GNB1: variants seen among roughly 807,000 people sequenced by gnomAD.
GNB1 encodes G protein subunit beta 1, also known as guanine nucleotide-binding protein G(I)/G(S)/G(T) subunit beta-1.
Under a neutral mutation model 42.9 loss-of-function variants are expected in GNB1, and 2 were observed. The observed-to-expected ratio is 0.05, with a 90% CI of 0.02 to 0.15. The LOEUF is 0.15. Ranked by LOEUF, GNB1 falls within the 10% of genes least tolerant of loss-of-function variation. GNB1 has a pLI of 1.00. For synonymous variants in GNB1, 183 were observed against 174.7 expected (o/e 1.05, Z -0.38); for missense variants, 193 against 462.2 (o/e 0.42, Z 5.34).
intron 1 of GNB1, among the ~76,000 whole-genome samples, chr1:1,879,498 C>A (rs183970030): frequency 1.3e-5 from 2 of 151,928 alleles, no homozygotes; most frequent in Admixed American, 6.6e-5. Flanking sequence ...CGAGATCAGG[C>A]GATCGAGAGC....
In GNB1 at chr1:1,857,915, A is replaced by T. The variant is rs1450581966; in HGVS notation, c.-95-18677T>A. Among the ~76,000 whole-genome samples, 3 of 152,194 alleles carry T rather than the reference A, an allele frequency of 2.0e-5. 1 individual carries two copies. The South Asian group carries it at 6.2e-4, about 31-fold the overall frequency. ...ATAACAACATACCGTAATAAAAGTT[A>T]TGGGAATGTGGTCTCTCTCGTACTG... is the stretch of plus-strand genomic sequence containing the variant. On this transcript the variant is annotated intron_variant, in intron 1 of 11. Coordinates refer to ENST00000378609, the MANE Select transcript of GNB1 (RefSeq NM_002074.5).
chr1:1,849,257 GTA>G (rs1198793455), intron 1 of GNB1, among the ~76,000 whole-genome samples: 1 of 152,216 alleles, frequency 6.6e-6, no homozygotes, highest in Admixed American at 6.5e-5. Flanking sequence ...AGGCCTTGCT[GTA>G]TATATCTCTT....
At chr1:1,878,252 G>C (rs930050480) in intron 1 of GNB1, among the ~76,000 whole-genome samples, 1 of 152,196 alleles carries the variant, frequency 6.6e-6, no homozygotes, top group Non-Finnish European at 1.5e-5. Flanking sequence ...AGGGCAAAAC[G>C]CAAGTGCACC....
chr1:1,841,642 G>C (rs911936754), intron 1 of GNB1, among the ~76,000 whole-genome samples: 1 of 152,310 alleles, frequency 6.6e-6, no homozygotes, highest in Non-Finnish European at 1.5e-5. Flanking sequence ...GTCAGTAGAT[G>C]AATCAACAAA....
chr1:1,858,944 T>G (rs1028480441), intron 1 of GNB1, among the ~76,000 whole-genome samples: 4 of 152,026 alleles, frequency 2.6e-5, no homozygotes, highest in African/African-American at 9.7e-5. Flanking sequence ...TTCTGAAGTT[T>G]GAGAAGCTGT....
At chr1:1,822,796 CTT>C (rs939499332) in intron 3 of GNB1, among the ~76,000 whole-genome samples, 1 of 152,118 alleles carries the variant, frequency 6.6e-6, no homozygotes, top group African/African-American at 2.4e-5. Context: ...ATTTGGGTGT[CTT>C]TCACCTGTGC....
chr1:1,855,321 CA>C (rs371204734), intron 1 of GNB1, among the ~76,000 whole-genome samples: 1,329 of 99,530 alleles, frequency 0.013, 30 homozygotes, highest in Non-Finnish European at 0.012. Flanking sequence ...GACACTGTGT[CA>C]AAAAAAAAAA....
At chr1:1,866,227 A>G (rs1648932130) in intron 1 of GNB1, among the ~76,000 whole-genome samples, 1 of 152,270 alleles carries the variant, frequency 6.6e-6, no homozygotes, top group Non-Finnish European at 1.5e-5. Context: ...GGCGTGCGCC[A>G]CTGCGCCCAG....
chr1:1,816,641 TA>T (rs377221013), intron 4 of GNB1, among the ~76,000 whole-genome samples: 9 of 143,858 alleles, frequency 6.3e-5, no homozygotes, highest in African/African-American at 2.2e-4. Flanking sequence ...TTATTTTTAT[TA>T]TCTTTTTTTT....
At chr1:1,793,177 G>T in intron 8 of GNB1, 68 bp downstream of exon 8, 2 of 914,964 alleles carry the variant, frequency 2.2e-6, no homozygotes, top group Non-Finnish European at 3.5e-6. Flanking sequence ...TTTCCTCCAT[G>T]TTCACAGAGG....
At chr1:1,819,512 C>T (rs1557901717) in intron 3 of GNB1, among the ~76,000 whole-genome samples, 2 of 151,740 alleles carry the variant, frequency 1.3e-5, no homozygotes, top group East Asian at 1.9e-4. Context: ...TGAGCCACCC[C>T]GCCTGGCCTC....
At chr1:1,882,416 G>A (rs1228231192) in intron 1 of GNB1, among the ~76,000 whole-genome samples, 2 of 86,038 alleles carry the variant, frequency 2.3e-5, no homozygotes, top group Admixed American at 1.9e-4. Context: ...GACAGAGCAA[G>A]ACTCCAACTC....
chr1:1,818,037 T>TTGAG, intron 3 of GNB1, 162 bp from the exon 4 acceptor site: 1 of 603,504 alleles, frequency 1.7e-6, no homozygotes, highest in Non-Finnish European at 3.1e-6. Context: ...CCCCATGGTC[T>TTGAG]ACTACCATCT....
chr1:1,867,160 G>C (rs965810973), intron 1 of GNB1, among the ~76,000 whole-genome samples: 24 of 151,872 alleles, frequency 1.6e-4, no homozygotes, highest in Non-Finnish European at 2.2e-4. Context: ...CCAGCTACTC[G>C]GGAGGCTGAG....
intron 7 of GNB1, among the ~76,000 whole-genome samples, chr1:1,799,367 T>C (rs1315002959): frequency 6.6e-6 from 1 of 152,250 alleles, no homozygotes; most frequent in East Asian, 1.9e-4. Context: ...TTGAGTATTT[T>C]TGGCTTTTCT....
chr1:1,843,135 C>A (rs1051722436), intron 1 of GNB1, among the ~76,000 whole-genome samples: 2 of 152,172 alleles, frequency 1.3e-5, no homozygotes, highest in Non-Finnish European at 2.9e-5. Flanking sequence ...AAATATAAAT[C>A]TTTTCAAGTA....
rs34414397 is a variant in GNB1 at position 1,798,925 on chromosome 1, CTTT to C, written c.430+5491_430+5493del. Among the ~76,000 whole-genome samples, 222 of 141,662 alleles carry C rather than the reference CTTT, an allele frequency of 1.6e-3. 1 individual carries two copies. Among genetic ancestry groups the C allele is most frequent in the African/African-American group, 5.4e-3 (210 of 38,926 alleles). 92.9% of individuals were successfully genotyped at this position (141,662 alleles called of 152,430 possible). A position where few individuals can be genotyped will look rare whatever the true frequency, so the allele number is the denominator to read the frequency against. Reference sequence around the variant, plus strand: ...TATGTCACCCAGACTCACAAACACTCTTTTTTTTTTTTTTGAGACGGAGTCTCG... The same window carrying C: ...TATGTCACCCAGACTCACAAACACTCTTTTTTTTTTTGAGACGGAGTCTCG... On this transcript the variant is annotated intron_variant, in intron 7 of 11. Coordinates refer to ENST00000378609, the MANE Select transcript of GNB1 (RefSeq NM_002074.5).
At chr1:1,880,818 C>T (rs1649803122) in intron 1 of GNB1, among the ~76,000 whole-genome samples, 3 of 152,106 alleles carry the variant, frequency 2.0e-5, no homozygotes, top group South Asian at 2.1e-4. Flanking sequence ...GGAGTCACTA[C>T]GTCAGCATTT....
intron 5 of GNB1, among the ~76,000 whole-genome samples, chr1:1,810,751 T>G (rs1646765325): frequency 6.6e-6 from 1 of 151,444 alleles, no homozygotes; most frequent in African/African-American, 2.4e-5. Flanking sequence ...CACTGCAACC[T>G]CTGCCTCCTG....
Sources: gnomAD v4.1 joint callset for allele counts (sites outside exome capture counted in the v4.1 genomes callset) on GRCh38, gnomAD v4.1.1 for gene constraint, MANE v1.5 for transcripts, NCBI Gene and HGNC (gene_info 2026-07-23, HGNC 2026-07-21) for gene names.